SAMSN1: variants seen among roughly 807,000 people sequenced by gnomAD.
SAMSN1 encodes the protein SAM domain, SH3 domain and nuclear localization signals 1.
Under a neutral mutation model 42.0 loss-of-function variants are expected in SAMSN1, and 31 were observed. That is an observed-to-expected ratio of 0.74 (90% CI 0.55 to 1.00). The LOEUF is 1.00. Among genes scored for constraint, SAMSN1 ranks in the 50% least tolerant of loss-of-function variants. SAMSN1 has a pLI of 0.00. For synonymous variants in SAMSN1, 178 were observed against 151.9 expected (o/e 1.17, Z -1.26); for missense variants, 464 against 439.4 (o/e 1.06, Z -0.50).
chr21:14,586,655 T>C (rs1981927877), upstream of SAMSN1, among the ~76,000 whole-genome samples: 2 of 152,200 alleles, frequency 1.3e-5, no homozygotes, highest in African/African-American at 4.8e-5. Context: ...GCTGTATTAA[T>C]AATTAACAGG....
intron 2 of SAMSN1, among the ~76,000 whole-genome samples, chr21:14,634,767 G>A (rs1983423582): frequency 6.6e-6 from 1 of 152,166 alleles, no homozygotes; most frequent in African/African-American, 2.4e-5. Context: ...GATACCTCAA[G>A]GATCTGGAAC....
chr21:14,570,425 C>T (rs1339704387), intron 2 of SAMSN1, among the ~76,000 whole-genome samples: 1 of 152,170 alleles, frequency 6.6e-6, no homozygotes, highest in Non-Finnish European at 1.5e-5. Context: ...GATGACATTT[C>T]CTTATCCATT....
chr21:14,602,178 A>G (rs994757675), intron 5 of SAMSN1: 1 of 433,060 alleles, frequency 2.3e-6, no homozygotes, highest in Non-Finnish European at 4.3e-6. Context: ...TTTAACACTC[A>G]TGTTTTTATT....
At chr21:14,581,514 A>C (rs545518056) in intron 2 of SAMSN1, among the ~76,000 whole-genome samples, 1 of 150,376 alleles carries the variant, frequency 6.6e-6, no homozygotes, top group Non-Finnish European at 1.5e-5. Flanking sequence ...GCCCGCCACC[A>C]CGCCCGGCTA....
At chr21:14,626,698 C>T (rs1278235867) in intron 2 of SAMSN1, among the ~76,000 whole-genome samples, 2 of 152,178 alleles carry the variant, frequency 1.3e-5, no homozygotes, top group African/African-American at 4.8e-5. Flanking sequence ...ACTAGTTCAA[C>T]CATTGTGGAA....
In SAMSN1 at chr21:14,546,276, A is replaced by G. The variant is rs1382935602; in HGVS notation, c.-15T>C. Reference sequence around the variant, plus strand: ...CTCTTGAGCATTTTGAATTCTGACTACTCCTAGTGAGTGCACTTTCTGCTG... The same window carrying G: ...CTCTTGAGCATTTTGAATTCTGACTGCTCCTAGTGAGTGCACTTTCTGCTG... On this transcript the variant is annotated 5_prime_UTR_variant, in exon 1 of 8. Transcript: ENST00000400566. The G allele has an allele frequency of 6.2e-7, 1 of 1,612,954 alleles. No individual in the cohort carries two copies. The highest frequency in any genetic ancestry group is 1.7e-5 in the Admixed American group (1 of 59,870).
At chr21:14,570,498 C>T in intron 2 of SAMSN1, among the ~76,000 whole-genome samples, 1 of 152,162 alleles carries the variant, frequency 6.6e-6, no homozygotes, top group East Asian at 1.9e-4. Flanking sequence ...AATTAAAGGA[C>T]AGATTTGGAA....
intron 2 of SAMSN1, among the ~76,000 whole-genome samples, chr21:14,567,910 T>G (rs1466764564): frequency 6.6e-6 from 1 of 152,008 alleles, no homozygotes; most frequent in African/African-American, 2.4e-5. Context: ...AATATACATA[T>G]GAGAGATTCT....
At chr21:14,528,508 G>A (rs774695499) in intron 1 of SAMSN1, among the ~76,000 whole-genome samples, 1 of 152,090 alleles carries the variant, frequency 6.6e-6, no homozygotes. Context: ...GCTCCCCTGA[G>A]GATCTGTTTT....
intron 2 of SAMSN1, among the ~76,000 whole-genome samples, chr21:14,579,977 A>C (rs1256243319): frequency 6.6e-6 from 1 of 152,168 alleles, no homozygotes; most frequent in East Asian, 1.9e-4. Flanking sequence ...GTGAATAGCA[A>C]ATAGTAGGTT....
intron 2 of SAMSN1, among the ~76,000 whole-genome samples, chr21:14,628,881 A>T (rs1295121757): frequency 6.6e-6 from 1 of 152,190 alleles, no homozygotes; most frequent in East Asian, 1.9e-4. Flanking sequence ...TCCTCACAAC[A>T]ATCTGTAGGG....
chr21:14,603,257 A>T (rs369397753), intron 5 of SAMSN1, among the ~76,000 whole-genome samples: 215 of 152,280 alleles, frequency 1.4e-3, no homozygotes, highest in South Asian at 6.8e-3. Context: ...GACTCCTTCT[A>T]TAAGCATTCT....
intron 6 of SAMSN1, among the ~76,000 whole-genome samples, chr21:14,599,407 G>A (rs113663486): frequency 0.017 from 2,546 of 152,248 alleles, 39 homozygotes; most frequent in South Asian, 0.072. Context: ...CTTCTCCTTA[G>A]CCTTCTGCCA....
chr21:14,617,865 G>C (rs1424533921), intron 2 of SAMSN1, among the ~76,000 whole-genome samples: 2 of 152,180 alleles, frequency 1.3e-5, no homozygotes, highest in African/African-American at 4.8e-5. Flanking sequence ...GTTTGAATTT[G>C]GAAAGAAGAT....
At chr21:14,527,733 G>C (rs1283163145) in intron 1 of SAMSN1, among the ~76,000 whole-genome samples, 1 of 121,878 alleles carries the variant, frequency 8.2e-6, no homozygotes, top group Non-Finnish European at 1.6e-5. Flanking sequence ...CCATCTCCAA[G>C]ATTACCTGAA....
At chr21:14,629,874 G>T (rs1431912444) in intron 2 of SAMSN1, among the ~76,000 whole-genome samples, 1 of 152,168 alleles carries the variant, frequency 6.6e-6, no homozygotes, top group Non-Finnish European at 1.5e-5. Context: ...TTTGCAAAAA[G>T]ATTCCCTTCC....
At chr21:14,556,309 T>A (rs570986955) in intron 2 of SAMSN1, among the ~76,000 whole-genome samples, 1 of 152,292 alleles carries the variant, frequency 6.6e-6, no homozygotes, top group African/African-American at 2.4e-5. Flanking sequence ...CATGCCATCA[T>A]CTTTGAGAAC....
chr21:14,493,887 C>T (rs1020025144), intron 7 of SAMSN1, among the ~76,000 whole-genome samples: 5 of 152,098 alleles, frequency 3.3e-5, no homozygotes, highest in Admixed American at 2.6e-4. Flanking sequence ...GCTGGGATTG[C>T]AGAACCCCAG....
At chr21:14,610,067 C>T (rs947471654) in intron 4 of SAMSN1, among the ~76,000 whole-genome samples, 2 of 152,030 alleles carry the variant, frequency 1.3e-5, no homozygotes, top group Admixed American at 1.3e-4. Context: ...AATCTGGGCA[C>T]CTTAAGAACA....
Sources: allele counts gnomAD v4.1 joint callset (sites outside exome capture counted in the v4.1 genomes callset), GRCh38; gene constraint gnomAD v4.1.1; transcripts MANE v1.5; gene names NCBI Gene and HGNC (gene_info 2026-07-23, HGNC 2026-07-21).